ZC3H12C: variants seen among roughly 807,000 people sequenced by gnomAD.
The protein encoded by ZC3H12C is probable ribonuclease ZC3H12C.
Under a neutral mutation model 76.3 loss-of-function variants are expected in ZC3H12C, and 20 were observed. That is an observed-to-expected ratio of 0.26 (90% CI 0.18 to 0.38). ZC3H12C has a LOEUF of 0.38. Ranked by LOEUF, ZC3H12C falls within the 10% of genes least tolerant of loss-of-function variation. The pLI, the probability that ZC3H12C is intolerant of heterozygous loss-of-function variation, is 1.00. For missense variants in ZC3H12C, 874 were observed against 1,086.5 expected (o/e 0.80, Z 2.75); for synonymous variants, 352 against 399.6 (o/e 0.88, Z 1.42).
intron 1 of ZC3H12C, among the ~76,000 whole-genome samples, chr11:110,093,697 CGAGGT>C (rs1326260430): frequency 6.6e-6 from 1 of 152,060 alleles, no homozygotes; most frequent in African/African-American, 2.4e-5. Flanking sequence ...GGATTTCGGG[CGAGGT>C]GAGGCCGGGC....
chr11:110,119,269 TA>T (rs1385025877), intron 1 of ZC3H12C, among the ~76,000 whole-genome samples: 1 of 152,148 alleles, frequency 6.6e-6, no homozygotes, highest in East Asian at 1.9e-4. Context: ...CATCTCAATA[TA>T]AAAGCCAGTT....
intron 1 of ZC3H12C, among the ~76,000 whole-genome samples, chr11:110,114,567 G>C (rs1861490827): frequency 6.6e-6 from 1 of 152,146 alleles, no homozygotes; most frequent in South Asian, 2.1e-4. Context: ...TTAATTCATT[G>C]GATACTGGCT....
At chr11:110,100,810 A>C (rs911420957) in intron 1 of ZC3H12C, among the ~76,000 whole-genome samples, 1 of 152,204 alleles carries the variant, frequency 6.6e-6, no homozygotes, top group African/African-American at 2.4e-5. Context: ...AAATTAGGCC[A>C]ATGAATAACT....
intron 1 of ZC3H12C, among the ~76,000 whole-genome samples, chr11:110,117,566 C>T (rs987324587): frequency 4.7e-5 from 7 of 150,110 alleles, no homozygotes; most frequent in Admixed American, 1.3e-4. Flanking sequence ...AAATTTCAAA[C>T]AACCATATTT....
intron 2 of ZC3H12C, among the ~76,000 whole-genome samples, chr11:110,138,747 C>T (rs1591476758): frequency 1.3e-5 from 2 of 151,862 alleles, no homozygotes; most frequent in East Asian, 3.9e-4. Context: ...TTAGTAGAGC[C>T]TGGGTTTTAC....
intron 2 of ZC3H12C, among the ~76,000 whole-genome samples, chr11:110,148,334 G>C (rs75318498): frequency 0.013 from 1,974 of 152,238 alleles, 15 homozygotes; most frequent in Non-Finnish European, 0.02. Flanking sequence ...GAGAATAAAA[G>C]AAGCCTTTTA....
chr11:110,164,406 C>A lies in ZC3H12C; in HGVS notation c.1321C>A (p.Arg441=). ...TCCCGAAAGGGGCAGTCAGCCACAG[C>A]GGTCAGTGGCTGATGAACTCCGTGC... The part of the protein sequence containing the change: ...YHPERGSQPQ[R]SVADELRAMS... The change falls in exon 6 of 6, where the codon CGG becomes AGG. Residue 441 remains arginine (R), a synonymous_variant. Coordinates refer to ENST00000278590, the MANE Select transcript of ZC3H12C (RefSeq NM_033390.2). The surrounding 1 kb of genome is among the most constrained non-coding windows in gnomAD (Gnocchi z 5.7). 6.2e-7 allele frequency: 1 copy of A among 1,613,876 alleles called. No individual in the cohort carries two copies. The highest frequency in any genetic ancestry group is 1.7e-4 in the Middle Eastern group (1 of 6,060).
intron 1 of ZC3H12C, among the ~76,000 whole-genome samples, chr11:110,122,601 G>A (rs995552839): frequency 1.1e-4 from 17 of 152,170 alleles, no homozygotes; most frequent in African/African-American, 4.1e-4. Context: ...AAAGCCACAT[G>A]CACTTGCTAG....
chr11:110,165,031 T>G lies in ZC3H12C; in HGVS notation c.1946T>G (p.Val649Gly). 1 of 1,613,936 alleles carries G rather than the reference T, an allele frequency of 6.2e-7. No homozygotes were observed. The highest frequency in any genetic ancestry group is 8.5e-7 in the Non-Finnish European group (1 of 1,179,886). The change falls in exon 6 of 6, where the codon GTC (valine) becomes GGC (glycine). Residue 649 changes from valine (V) to glycine (G), a missense_variant. Val to Gly is a moderately radical substitution (Grantham distance 109). Coordinates refer to ENST00000278590, the MANE Select transcript of ZC3H12C (RefSeq NM_033390.2). ...SYVGYNDRSY[V>G]SSPDPQLEEN... ...GTGGGTTACAATGACCGGTCCTATG[T>G]CAGCTCCCCCGACCCACAGCTAGAG...
At chr11:110,146,772 G>T (rs1053179583) in intron 2 of ZC3H12C, among the ~76,000 whole-genome samples, 1 of 151,664 alleles carries the variant, frequency 6.6e-6, no homozygotes, top group Non-Finnish European at 1.5e-5. Flanking sequence ...AAACTGGATT[G>T]CTATTGCCAA....
chr11:110,145,275 C>T (rs1032193437), intron 2 of ZC3H12C, among the ~76,000 whole-genome samples: 2 of 152,046 alleles, frequency 1.3e-5, no homozygotes, highest in Non-Finnish European at 2.9e-5. Flanking sequence ...ATGTGCTTTT[C>T]CAGTATATTA....
chr11:110,117,522 A>G (rs1861548685), intron 1 of ZC3H12C, among the ~76,000 whole-genome samples: 1 of 151,312 alleles, frequency 6.6e-6, no homozygotes, highest in Non-Finnish European at 1.5e-5. Context: ...TATGCCTTGC[A>G]CTGTTCTGAG....
At chr11:110,132,922 T>G (rs1446681796) in intron 1 of ZC3H12C, among the ~76,000 whole-genome samples, 2 of 152,178 alleles carry the variant, frequency 1.3e-5, no homozygotes, top group Non-Finnish European at 2.9e-5. Flanking sequence ...TAATGGTCTT[T>G]TCCGTTCTTT....
At chr11:110,143,040 GA>G (rs1370678210) in intron 2 of ZC3H12C, among the ~76,000 whole-genome samples, 1 of 152,068 alleles carries the variant, frequency 6.6e-6, no homozygotes, top group Non-Finnish European at 1.5e-5. Context: ...TGGTATATTG[GA>G]AAAGAGATCA....
chr11:110,104,696 T>A (rs1459256297), intron 1 of ZC3H12C, among the ~76,000 whole-genome samples: 1 of 152,230 alleles, frequency 6.6e-6, no homozygotes, highest in Non-Finnish European at 1.5e-5. Context: ...AGCGAGAATC[T>A]CAATTTATCT....
chr11:110,094,600 CATTT>C (rs1441997077), intron 1 of ZC3H12C, among the ~76,000 whole-genome samples: 2 of 152,340 alleles, frequency 1.3e-5, no homozygotes, highest in African/African-American at 4.8e-5. Flanking sequence ...GACTTCCATT[CATTT>C]AATCACATGT....
Position 110,165,420 on chromosome 11 carries a change from A to T in ZC3H12C, c.2335A>T (p.Arg779Trp), listed in dbSNP as rs1862562582. 1 of 1,614,018 alleles carries T rather than the reference A, an allele frequency of 6.2e-7. No individual in the cohort carries two copies. Among genetic ancestry groups the T allele is most frequent in the Non-Finnish European group, 8.5e-7 (1 of 1,179,898 alleles). The change falls in exon 6 of 6, where the codon AGG (arginine) becomes TGG (tryptophan). Residue 779 changes from arginine to tryptophan, a missense_variant. Physicochemically the swap from Arg to Trp is moderately radical, Grantham distance 101. This residue lies in a region of ZC3H12C where 395 missense variants were observed against 434.4 expected (regional missense o/e 0.91). Coordinates refer to ENST00000278590, the MANE Select transcript of ZC3H12C (RefSeq NM_033390.2). ...SRQEGLGSWERPGYGIDAYGY... is the reference protein window; with the variant it reads ...SRQEGLGSWEWPGYGIDAYGY... ...CCAGGAAGGCCTGGGAAGCTGGGAG[A>T]GGCCAGGCTATGGGATCGACGCCTA...
At chr11:110,102,349 T>C (rs949865928) in intron 1 of ZC3H12C, among the ~76,000 whole-genome samples, 3 of 151,170 alleles carry the variant, frequency 2.0e-5, no homozygotes, top group African/African-American at 7.3e-5. Flanking sequence ...CTAACCCTCA[T>C]GGATGACTTT....
intron 1 of ZC3H12C, among the ~76,000 whole-genome samples, chr11:110,108,458 G>C (rs1351777532): frequency 6.6e-6 from 1 of 152,168 alleles, no homozygotes; most frequent in African/African-American, 2.4e-5. Flanking sequence ...ATAGCATGAG[G>C]TTTTTATTAA....
Sources: allele counts gnomAD v4.1 joint callset (sites outside exome capture counted in the v4.1 genomes callset), GRCh38; gene constraint gnomAD v4.1.1; regional missense constraint gnomAD v4.1.1; non-coding constraint Gnocchi (gnomAD v3.1); transcripts MANE v1.5; gene names NCBI Gene and HGNC (gene_info 2026-07-23, HGNC 2026-07-21).